Variants in FGF13 observed in about 807,000 individuals in gnomAD.
FGF13 encodes the protein fibroblast growth factor 13, also known as fibroblast growth factor homologous factor 2.
In FGF13, 2 loss-of-function variants were observed where a neutral mutation model predicts 19.5. That is an observed-to-expected ratio of 0.10 (90% CI 0.04 to 0.32). The LOEUF (loss-of-function observed/expected upper bound fraction) is 0.32, where lower values mean the gene tolerates loss of function less well. Ranked by LOEUF, FGF13 falls within the 10% of genes least tolerant of loss-of-function variation. FGF13 has a pLI of 1.00. For synonymous variants in FGF13, 72 were observed against 76.9 expected (o/e 0.94, Z 0.33); for missense variants, 113 against 192.7 (o/e 0.59, Z 2.45).
At chrX:138,865,967 C>T (rs2091320802) in intron 1 of FGF13, among the ~76,000 whole-genome samples, 1 of 112,029 alleles carries the variant, frequency 8.9e-6, no homozygotes, top group Non-Finnish European at 1.9e-5. Context: ...ATATAGGCTG[C>T]AATCTCAGAG....
At chrX:139,054,117 CTTTTT>C (rs58544411) in intron 1 of FGF13, among the ~76,000 whole-genome samples, 13 of 33,969 alleles carry the variant, frequency 3.8e-4, no homozygotes, top group Admixed American at 8.9e-4. Context: ...GTCTACGTGC[CTTTTT>C]TTTTTTTTTT....
At chrX:138,834,714 G>T (rs186812827) in intron 3 of FGF13, among the ~76,000 whole-genome samples, 1 of 110,108 alleles carries the variant, frequency 9.1e-6, no homozygotes, top group East Asian at 2.9e-4. Flanking sequence ...GGATTTGTTT[G>T]CTCTTGGTTC....
At chrX:139,105,336 C>G (rs1041963627) in intron 1 of FGF13, among the ~76,000 whole-genome samples, 1 of 111,411 alleles carries the variant, frequency 9.0e-6, no homozygotes, top group African/African-American at 3.3e-5. Flanking sequence ...TTTTTAATAA[C>G]TCAGGGAATT....
Position 138,629,839 on chromosome X carries a change from ATCTGAG to A in FGF13, c.*3005_*3010del, listed in dbSNP as rs2089098159. 1 of 111,778 alleles carries A rather than the reference ATCTGAG, an allele frequency of 8.9e-6. No individual in the cohort carries two copies. Among genetic ancestry groups the A allele is most frequent in the Non-Finnish European group, 1.9e-5 (1 of 53,234 alleles). The allele number at this position is 111,778 out of a possible 1,213,427, so 9.2% of individuals were successfully genotyped here. ...GAAACTCTGAAGGTGAAGTCCAGTG[ATCTGAG>A]TCTTACAAGCCTTCCAGGTGATTCT... On this transcript the variant is annotated 3_prime_UTR_variant, in exon 5 of 5. Transcript: ENST00000315930.
intron 1 of FGF13, among the ~76,000 whole-genome samples, chrX:138,888,079 T>C (rs755254282): frequency 8.0e-5 from 9 of 112,453 alleles, no homozygotes; most frequent in Non-Finnish European, 1.5e-4. Context: ...CTATAAAGAC[T>C]GTCAGGGCAG....
chrX:138,883,513 A>G (rs951478486), intron 1 of FGF13, among the ~76,000 whole-genome samples: 2 of 111,615 alleles, frequency 1.8e-5, no homozygotes, highest in African/African-American at 6.5e-5. Flanking sequence ...GCCACCACGA[A>G]GCGGAGGTAT....
intron 1 of FGF13, among the ~76,000 whole-genome samples, chrX:138,867,211 C>A (rs1258143780): frequency 1.8e-5 from 2 of 110,511 alleles, no homozygotes; most frequent in Admixed American, 1.9e-4. Context: ...AGTTTGAGAC[C>A]AGCCTGGGCA....
At chrX:139,009,434 A>T (rs746837271) in intron 1 of FGF13, among the ~76,000 whole-genome samples, 1 of 112,098 alleles carries the variant, frequency 8.9e-6, no homozygotes, top group Non-Finnish European at 1.9e-5. Flanking sequence ...AGAAAAACTT[A>T]TCAGATGAAC....
At chrX:138,812,500 T>G (rs2090933614) in intron 3 of FGF13, among the ~76,000 whole-genome samples, 1 of 111,186 alleles carries the variant, frequency 9.0e-6, no homozygotes, top group South Asian at 3.8e-4. Flanking sequence ...ATTTTTCCAC[T>G]TTTGATGGTA....
At chrX:138,895,757 T>A (rs1189706623) in intron 1 of FGF13, among the ~76,000 whole-genome samples, 2 of 112,137 alleles carry the variant, frequency 1.8e-5, no homozygotes, top group Non-Finnish European at 3.8e-5. Context: ...TCAATGAATG[T>A]CCATCAATGG....
chrX:139,039,412 T>A (rs1337253710), intron 1 of FGF13, among the ~76,000 whole-genome samples: 2 of 112,037 alleles, frequency 1.8e-5, no homozygotes, highest in East Asian at 5.6e-4. Context: ...AAGGTGAGGC[T>A]TTCCTAAAAA....
At chrX:138,890,860 C>T (rs2091473267) in intron 1 of FGF13, among the ~76,000 whole-genome samples, 1 of 111,847 alleles carries the variant, frequency 8.9e-6, no homozygotes, top group African/African-American at 3.3e-5. Context: ...AAGGGGAGAT[C>T]CTTCAATGGA....
At chrX:139,061,942 T>C (rs1197286122) in intron 1 of FGF13, among the ~76,000 whole-genome samples, 4 of 103,975 alleles carry the variant, frequency 3.8e-5, no homozygotes, top group Non-Finnish European at 7.8e-5. Flanking sequence ...TTGCGTTCTC[T>C]GAGCTCCTTA....
chrX:139,013,948 A>G (rs1485574640), intron 1 of FGF13, among the ~76,000 whole-genome samples: 1 of 111,397 alleles, frequency 9.0e-6, no homozygotes, highest in African/African-American at 3.3e-5. Flanking sequence ...AATCAATAGC[A>G]CAAGGAACTG....
chrX:139,077,059 C>T (rs760836019), intron 1 of FGF13, among the ~76,000 whole-genome samples: 316 of 111,699 alleles, frequency 2.8e-3, no homozygotes, highest in Non-Finnish European at 5.0e-3. Flanking sequence ...TATCACTGCA[C>T]CTGCACTGTT....
intron 3 of FGF13, among the ~76,000 whole-genome samples, chrX:138,758,129 C>T (rs2090443086): frequency 9.0e-6 from 1 of 111,408 alleles, no homozygotes; most frequent in Non-Finnish European, 1.9e-5. Context: ...GAAACAAATG[C>T]AGGGGAAGCC....
chrX:138,810,909 C>A (rs2090917406), intron 3 of FGF13, among the ~76,000 whole-genome samples: 1 of 111,636 alleles, frequency 9.0e-6, no homozygotes, highest in Non-Finnish European at 1.9e-5. Context: ...CATCTCACAC[C>A]AGTTAGAATG....
intron 1 of FGF13, among the ~76,000 whole-genome samples, chrX:139,061,884 T>C (rs1290822473): frequency 9.0e-6 from 1 of 111,560 alleles, no homozygotes. Flanking sequence ...GAAATGACTA[T>C]TCAAGTCCCT....
chrX:138,625,662 T>A lies in FGF13; in HGVS notation c.*7188A>T, dbSNP rs951142379. On this transcript the variant is annotated 3_prime_UTR_variant, in exon 5 of 5. Transcript: ENST00000315930. ...AAAAAATGCTACATGACATCCTTTG[T>A]ATAAAAAGAATCTTAAAAAGTTGAA... 1 of 107,204 alleles carries A rather than the reference T, an allele frequency of 9.3e-6. No individual in the cohort carries two copies. Among genetic ancestry groups the A allele is most frequent in the Non-Finnish European group, 1.9e-5 (1 of 52,077 alleles). 8.8% of individuals were successfully genotyped at this position (107,204 alleles called of 1,213,427 possible).
Sources: gnomAD v4.1 joint callset for allele counts (sites outside exome capture counted in the v4.1 genomes callset) on GRCh38, gnomAD v4.1.1 for gene constraint, MANE v1.5 for transcripts, NCBI Gene and HGNC (gene_info 2026-07-23, HGNC 2026-07-21) for gene names.